Variants in CTTNBP2 observed in about 807,000 individuals in gnomAD.
CTTNBP2 encodes the protein cortactin-binding protein 2.
Under a neutral mutation model 156.9 loss-of-function variants are expected in CTTNBP2, and 108 were observed. The ratio of observed to expected loss-of-function variants is 0.69; its 90% CI spans 0.59 to 0.81. The LOEUF (loss-of-function observed/expected upper bound fraction) is 0.81. Among genes scored for constraint, CTTNBP2 ranks in the 30% least tolerant of loss-of-function variants. The pLI is 0.00. For missense variants in CTTNBP2, 1,924 were observed against 2,035.4 expected (o/e 0.95, Z 1.05); for synonymous variants, 767 against 751.8 (o/e 1.02, Z -0.33).
intron 2 of CTTNBP2, among the ~76,000 whole-genome samples, chr7:117,819,367 TCACA>T (rs71529472): frequency 0.022 from 2,823 of 130,590 alleles, 72 homozygotes; most frequent in African/African-American, 0.044. Context: ...TCTCTCTCTC[TCACA>T]CACACACACA....
Position 117,724,528 on chromosome 7 carries a change from G to A in CTTNBP2, c.4447+19C>T, listed in dbSNP as rs1339560506. 3 of 1,589,082 alleles carry A rather than the reference G, an allele frequency of 1.9e-6. No individual in the cohort carries two copies. Among genetic ancestry groups the A allele is most frequent in the Non-Finnish European group, 2.6e-6 (3 of 1,168,306 alleles). The stretch of plus-strand genomic sequence containing the variant: ...ATGTCCACCTCCTGGTAGGCAACAT[G>A]CCTACCCCCGCCCTTTACCTTCAGT... On this transcript the variant is annotated intron_variant, in intron 19 of 22. Transcript: ENST00000160373.
At chr7:117,831,859 T>C (rs1801631522) in intron 2 of CTTNBP2, among the ~76,000 whole-genome samples, 1 of 152,126 alleles carries the variant, frequency 6.6e-6, no homozygotes, top group Admixed American at 6.5e-5. Flanking sequence ...CTTATTCTCT[T>C]TCTTAAAGGA....
chr7:117,820,594 A>G (rs188801227), intron 2 of CTTNBP2, among the ~76,000 whole-genome samples: 1 of 152,264 alleles, frequency 6.6e-6, no homozygotes, highest in East Asian at 1.9e-4. Context: ...TTTTCCACAT[A>G]TAGATTCAAT....
At chr7:117,790,237 TAGTC>T (rs1249099780) in intron 4 of CTTNBP2, among the ~76,000 whole-genome samples, 1 of 152,204 alleles carries the variant, frequency 6.6e-6, no homozygotes, top group Non-Finnish European at 1.5e-5. Flanking sequence ...ACTTTGCAGT[TAGTC>T]AGATGTGTTT....
chr7:117,817,045 A>G (rs1800619872), intron 2 of CTTNBP2, among the ~76,000 whole-genome samples: 1 of 151,950 alleles, frequency 6.6e-6, no homozygotes, highest in Non-Finnish European at 1.5e-5. Flanking sequence ...GATGTATAAA[A>G]ATATAATTTC....
intron 2 of CTTNBP2, among the ~76,000 whole-genome samples, chr7:117,818,625 G>C (rs1226134805): frequency 6.6e-6 from 1 of 152,116 alleles, no homozygotes; most frequent in Non-Finnish European, 1.5e-5. Flanking sequence ...GTAGAGAACA[G>C]GTGTCAGAAC....
intron 2 of CTTNBP2, among the ~76,000 whole-genome samples, chr7:117,855,612 C>A (rs535646156): frequency 6.0e-4 from 92 of 152,066 alleles, no homozygotes; most frequent in Non-Finnish European, 1.1e-3. Context: ...ACAGCTCCCC[C>A]CAAACAGCAA....
Position 117,743,433 on chromosome 7 carries a change from C to T in CTTNBP2, c.3535+2398G>A, listed in dbSNP as rs1346613992. Among the ~76,000 whole-genome samples the T allele has an allele frequency of 3.9e-5, 6 of 151,968 alleles. No individual in the cohort carries two copies. In the South Asian group the frequency reaches 6.2e-4, roughly 16 times the overall value. ...AGCTGGACTGCTGGGGTTTGAGTTCCGTTTTATGTTCTTGCTGTGGGATCT... is the reference window on the plus strand; with the variant it reads ...AGCTGGACTGCTGGGGTTTGAGTTCTGTTTTATGTTCTTGCTGTGGGATCT... On this transcript the variant is annotated intron_variant, in intron 14 of 22. Coordinates refer to ENST00000160373, the MANE Select transcript of CTTNBP2 (RefSeq NM_033427.3).
intron 3 of CTTNBP2, among the ~76,000 whole-genome samples, chr7:117,798,925 A>G (rs1799465948): frequency 6.6e-6 from 1 of 151,972 alleles, no homozygotes; most frequent in Non-Finnish European, 1.5e-5. Flanking sequence ...CTTTGTGCCA[A>G]TAAGTTCAAT....
intron 2 of CTTNBP2, among the ~76,000 whole-genome samples, chr7:117,842,010 A>C (rs1484072498): frequency 6.6e-6 from 1 of 152,106 alleles, no homozygotes; most frequent in African/African-American, 2.4e-5. Context: ...CGCTTGGAAA[A>C]AGGGACACCT....
chr7:117,801,732 C>T (rs867799210), intron 3 of CTTNBP2, among the ~76,000 whole-genome samples: 48 of 151,902 alleles, frequency 3.2e-4, no homozygotes, highest in Middle Eastern at 6.8e-3. Flanking sequence ...TGTGTGTGTG[C>T]GCTCACGCAT....
chr7:117,810,159 T>G (rs1800183858), intron 3 of CTTNBP2, among the ~76,000 whole-genome samples: 1 of 152,056 alleles, frequency 6.6e-6, no homozygotes, highest in Non-Finnish European at 1.5e-5. Flanking sequence ...ATGAAACACA[T>G]GTGAGCAGGA....
At chr7:117,796,964 C>A (rs180946311) in intron 3 of CTTNBP2, among the ~76,000 whole-genome samples, 1 of 152,116 alleles carries the variant, frequency 6.6e-6, no homozygotes, top group Admixed American at 6.5e-5. Flanking sequence ...TTTAAAGGCT[C>A]TTGAGAGCAA....
intron 21 of CTTNBP2, among the ~76,000 whole-genome samples, chr7:117,718,605 T>C (rs1794600879): frequency 6.6e-6 from 1 of 152,212 alleles, no homozygotes; most frequent in South Asian, 2.1e-4. Flanking sequence ...CGGTGAAACC[T>C]GCTGCAGATA....
intron 3 of CTTNBP2, among the ~76,000 whole-genome samples, chr7:117,795,068 T>C (rs1799243330): frequency 6.6e-6 from 1 of 150,894 alleles, no homozygotes; most frequent in South Asian, 2.1e-4. Flanking sequence ...CTAATTTTTT[T>C]TGTATTTTTA....
chr7:117,768,576 A>AG (rs1206724808), intron 8 of CTTNBP2, among the ~76,000 whole-genome samples: 1 of 136,506 alleles, frequency 7.3e-6, no homozygotes, highest in African/African-American at 2.7e-5. Flanking sequence ...AAAAAAAAAA[A>AG]AAAAAAAAGA....
intron 2 of CTTNBP2, among the ~76,000 whole-genome samples, chr7:117,859,789 G>A (rs902198944): frequency 5.9e-5 from 9 of 152,168 alleles, no homozygotes; most frequent in Admixed American, 1.3e-4. Context: ...CTTCAACTCA[G>A]TATCGGCCAC....
intron 8 of CTTNBP2, among the ~76,000 whole-genome samples, chr7:117,769,093 C>T (rs1000315452): frequency 6.6e-6 from 1 of 152,198 alleles, no homozygotes; most frequent in Non-Finnish European, 1.5e-5. Flanking sequence ...ACATGTTCTA[C>T]GTTAGTCCAT....
intron 2 of CTTNBP2, among the ~76,000 whole-genome samples, chr7:117,847,855 CAG>C (rs1563064711): frequency 2.2e-5 from 2 of 92,344 alleles, no homozygotes; most frequent in African/African-American, 1.1e-4. Flanking sequence ...TTTTTTGAGA[CAG>C]AGTCTTGCCG....
Sources: allele counts gnomAD v4.1 joint callset (sites outside exome capture counted in the v4.1 genomes callset), GRCh38; gene constraint gnomAD v4.1.1; transcripts MANE v1.5; gene names NCBI Gene and HGNC (gene_info 2026-07-23, HGNC 2026-07-21).